The following SREK1 variants were observed in gnomAD, a reference collection of about 807,000 sequenced individuals.
The protein encoded by SREK1 is splicing regulatory glutamic acid and lysine rich protein 1.
Under a neutral mutation model 66.5 loss-of-function variants are expected in SREK1, and 13 were observed. The ratio of observed to expected loss-of-function variants is 0.20; its 90% confidence interval spans 0.13 to 0.31. The LOEUF (loss-of-function observed/expected upper bound fraction) is 0.31, where lower values mean the gene tolerates loss of function less well. Ranked by LOEUF, SREK1 falls within the 10% of genes least tolerant of loss-of-function variation. The pLI is 1.00. For missense variants in SREK1, 607 were observed against 769.6 expected (o/e 0.79, Z 2.50); for synonymous variants, 265 against 263.5 (o/e 1.01, Z -0.05).
chr5:66,166,418 A>G (rs188623524), intron 7 of SREK1: 2 of 152,318 alleles, frequency 1.3e-5, no homozygotes, highest in African/African-American at 4.8e-5. Context: ...AGATATGTCT[A>G]TACAGATGTA....
chr5:66,177,408 CA>C (rs1746145680), intron 10 of SREK1, 105 bp from the exon 11 acceptor site: 1 of 970,600 alleles, frequency 1.0e-6, no homozygotes, highest in Non-Finnish European at 1.4e-6. Context: ...TGCTTATTAA[CA>C]ATGCATTATT....
At chr5:66,154,738 G>T (rs2111975565) in intron 2 of SREK1, among the ~76,000 whole-genome samples, 2 of 152,230 alleles carry the variant, frequency 1.3e-5, no homozygotes, top group Admixed American at 1.3e-4. Context: ...ATTTGGAAGT[G>T]TCTTTCCCAT....
chr5:66,179,009 G>T lies in SREK1; in HGVS notation c.*141G>T, dbSNP rs1213992114. 8.7e-6 allele frequency: 8 copies of T among 921,500 alleles called. No homozygotes were observed. Among genetic ancestry groups the T allele is most frequent in the Non-Finnish European group, 1.2e-5 (8 of 666,776 alleles). 57.1% of individuals were successfully genotyped at this position (921,500 alleles called of 1,614,324 possible). On this transcript the variant is annotated 3_prime_UTR_variant, in exon 12 of 12. Coordinates refer to ENST00000334121, the MANE Select transcript of SREK1 (RefSeq NM_001077199.3). ...GCTTTTCCAGTTGTTAGATGACTTT[G>T]TGGCCATCTTGTTATTGAGTAAGAA... is the stretch of plus-strand genomic sequence containing the variant.
intron 1 of SREK1, among the ~76,000 whole-genome samples, chr5:66,150,710 T>C (rs922140559): frequency 2.0e-5 from 3 of 152,170 alleles, no homozygotes; most frequent in African/African-American, 7.2e-5. Context: ...AAAACTAATG[T>C]GACAAATATT....
At position 66,162,546 on chromosome 5, in the gene SREK1, A is replaced by G; in HGVS notation, c.709A>G (p.Arg237Gly). ...VEFADQNSVP[R>G]ALAFNGVMFG... is the part of the protein sequence containing the mutation. ...ATTTGCAGACCAAAATTCTGTACCA[A>G]GGGCCCTTGCTTTTAATGGAGTTAT... Residue 237 changes from arginine to glycine, a missense_variant, in exon 5 of 12, where the codon AGG becomes GGG. Physicochemically the swap from Arg to Gly is moderately radical, Grantham distance 125. Around this residue, in one of 5 missense-constraint regions of SREK1, gnomAD observed 112 missense variants for 168.6 expected, o/e 0.66. Coordinates refer to ENST00000334121, the MANE Select transcript of SREK1 (RefSeq NM_001077199.3). 6.2e-7 allele frequency: 1 copy of G among 1,613,950 alleles called. No individual in the cohort carries two copies. The highest frequency in any genetic ancestry group is 8.5e-7 in the Non-Finnish European group (1 of 1,179,912).
chr5:66,151,994 C>G (rs999075639), intron 1 of SREK1, among the ~76,000 whole-genome samples: 1 of 151,678 alleles, frequency 6.6e-6, no homozygotes, highest in African/African-American at 2.4e-5. Context: ...TACAGGCGCC[C>G]GCCACCACGC....
At position 66,144,430 on chromosome 5, in the gene SREK1, G is replaced by T. The variant is rs979117265; in HGVS notation, c.54G>T (p.Thr18=). The T allele has an allele frequency of 3.9e-6, 6 of 1,551,696 alleles. No individual in the cohort carries two copies. Among genetic ancestry groups the T allele is most frequent in the Non-Finnish European group, 5.2e-6 (6 of 1,146,996 alleles). Residue 18 remains threonine, a synonymous_variant, in exon 1 of 12, where the codon ACG becomes ACT. Transcript: ENST00000334121. The part of the protein sequence containing the change: ...GLGLGFGLTP[T]SVIQVTNLSS... ...GCTTAGGCTTCGGCCTCACCCCCAC[G>T]TCGGTGATTCAGGTGACGAATCTGT...
At chr5:66,159,180 G>T in intron 2 of SREK1, 39 bp from the exon 3 acceptor site, 1 of 1,583,226 alleles carries the variant, frequency 6.3e-7, no homozygotes, top group South Asian at 1.2e-5. Flanking sequence ...TTTGTGTGGT[G>T]TTTCTGCTTT....
chr5:66,182,527 T>C lies in SREK1; in HGVS notation c.*3659T>C, dbSNP rs1746578116. 6.6e-6 allele frequency: 1 copy of C among 152,126 alleles called. No individual in the cohort carries two copies. Among genetic ancestry groups the C allele is most frequent in the African/African-American group, 2.4e-5 (1 of 41,430 alleles). The allele number at this position is 152,126 out of a possible 1,614,324, so 9.4% of individuals were successfully genotyped here. ...GTGGGTGAGTTTGTTTTTAGTACACTCTTATTGGTGGTTTTGCCTGAAGAG... is the reference window on the plus strand; with the variant it reads ...GTGGGTGAGTTTGTTTTTAGTACACCCTTATTGGTGGTTTTGCCTGAAGAG... On this transcript the variant is annotated 3_prime_UTR_variant, in exon 12 of 12. Coordinates refer to ENST00000334121, the MANE Select transcript of SREK1 (RefSeq NM_001077199.3).
intron 1 of SREK1, among the ~76,000 whole-genome samples, chr5:66,152,306 A>G (rs1743917000): frequency 6.6e-6 from 1 of 152,230 alleles, no homozygotes; most frequent in African/African-American, 2.4e-5. Context: ...TGGTTATTCT[A>G]CGTTGTTTAA....
chr5:66,172,197 A>G (rs1006196553), intron 9 of SREK1, among the ~76,000 whole-genome samples: 1 of 152,144 alleles, frequency 6.6e-6, no homozygotes, highest in African/African-American at 2.4e-5. Flanking sequence ...AAGTGATTTT[A>G]TTGATTCTGT....
intron 1 of SREK1, chr5:66,144,886 A>T (rs1452281381): frequency 3.6e-5 from 37 of 1,014,544 alleles, no homozygotes; most frequent in Non-Finnish European, 4.2e-5. Context: ...AACAGCCCTC[A>T]TGGCAAACGT....
chr5:66,170,468 T>C, intron 8 of SREK1, 117 bp from the exon 9 acceptor site: 1 of 1,300,408 alleles, frequency 7.7e-7, no homozygotes, highest in Non-Finnish European at 1.1e-6. Flanking sequence ...AATGTATATG[T>C]AAATGTCTGT....
In SREK1 at chr5:66,156,687, A is replaced by G. The variant is rs1300640293; in HGVS notation, c.296-2532A>G. On this transcript the variant is annotated intron_variant, in intron 2 of 11. Coordinates refer to ENST00000334121, the MANE Select transcript of SREK1 (RefSeq NM_001077199.3). ...AAATCATCAAGGAAAATAAGTAAAT[A>G]TAACAATCTGGGAGTAAAGAAGAGC... 2.3e-5 allele frequency: 23 copies of G among 985,134 alleles called. No individual in the cohort carries two copies. The South Asian group carries it at 3.8e-4, about 16-fold the overall frequency. The allele number at this position is 985,134 out of a possible 1,614,324, so 61.0% of individuals were successfully genotyped here.
chr5:66,147,308 A>G (rs111267933), intron 1 of SREK1, among the ~76,000 whole-genome samples: 1,917 of 152,286 alleles, frequency 0.013, 43 homozygotes, highest in African/African-American at 0.044. Flanking sequence ...CAATAAATCA[A>G]TCTCACAGCT....
intron 9 of SREK1, among the ~76,000 whole-genome samples, chr5:66,173,425 TCAA>T (rs1156900640): frequency 6.6e-6 from 1 of 152,226 alleles, no homozygotes; most frequent in Non-Finnish European, 1.5e-5. Flanking sequence ...TCCTAAATCC[TCAA>T]CAACCTAATA....
At position 66,162,336 on chromosome 5, in the gene SREK1, C is replaced by T. The variant is rs1398094257; in HGVS notation, c.576+63C>T. On this transcript the variant is annotated intron_variant, in intron 4 of 11. Transcript: ENST00000334121. ...TTATTCTTTTTCTCTTCTTAAAAAT[C>T]ATATCAGTGGATACAGTAATATTTA... The T allele has an allele frequency of 3.7e-6, 6 of 1,605,062 alleles. No individual in the cohort carries two copies. In the African/African-American group the frequency reaches 6.7e-5, roughly 18 times the overall value.
intron 1 of SREK1, among the ~76,000 whole-genome samples, chr5:66,149,078 G>A (rs1743524897): frequency 6.6e-6 from 1 of 152,234 alleles, no homozygotes; most frequent in Non-Finnish European, 1.5e-5. Flanking sequence ...AATTGGCCGG[G>A]TGCAGTGGCC....
intron 10 of SREK1, 133 bp from the exon 11 acceptor site, chr5:66,177,381 A>G (rs1305814313): frequency 2.5e-6 from 2 of 784,778 alleles, no homozygotes; most frequent in African/African-American, 3.6e-5. Context: ...TTACTTTGCA[A>G]ACCAGCTTAC....
Sources: gnomAD v4.1 joint callset for allele counts (sites outside exome capture counted in the v4.1 genomes callset) on GRCh38, gnomAD v4.1.1 for gene constraint, gnomAD v4.1.1 regional missense constraint, MANE v1.5 for transcripts, NCBI Gene and HGNC (gene_info 2026-07-23, HGNC 2026-07-21) for gene names.